CTNNBIP1: variants seen among roughly 807,000 people sequenced by gnomAD.
CTNNBIP1 encodes the protein catenin beta interacting protein 1.
In CTNNBIP1, 7 loss-of-function variants were observed where a neutral mutation model predicts 11.8. The observed-to-expected ratio is 0.60, with a 90% CI of 0.34 to 1.12. The LOEUF is 1.12. Among genes scored for constraint, CTNNBIP1 ranks in the 50% most tolerant of loss-of-function variants. The pLI, the probability that CTNNBIP1 is intolerant of heterozygous loss-of-function variation, is 0.03. For synonymous variants in CTNNBIP1, 58 were observed against 43.9 expected, an observed-to-expected ratio of 1.32 and a Z score of -1.26; for missense variants, 101 against 113.4, an observed-to-expected ratio of 0.89 and a Z score of 0.50.
chr1:9,852,311 A>C (rs1638408060), intron 5 of CTNNBIP1, among the ~76,000 whole-genome samples: 1 of 152,222 alleles, frequency 6.6e-6, no homozygotes, highest in African/African-American at 2.4e-5. Context: ...CACACCTTCC[A>C]CTTGGCACTA....
chr1:9,908,469 G>T (rs1345093035), intron 1 of CTNNBIP1, among the ~76,000 whole-genome samples: 1 of 148,678 alleles, frequency 6.7e-6, no homozygotes, highest in Non-Finnish European at 1.5e-5. Flanking sequence ...CACCTCCCGG[G>T]TTCACGCCAT....
Position 9,872,184 on chromosome 1 carries a change from C to A in CTNNBIP1, c.-24-96G>T. 1.3e-6 allele frequency: 1 copy of A among 745,016 alleles called. No individual in the cohort carries two copies. The highest frequency in any genetic ancestry group is 1.6e-5 in the South Asian group (1 of 61,440). The allele number at this position is 745,016 out of a possible 1,614,324, so 46.2% of individuals were successfully genotyped here. ...AGTGACCCTCACTCCTCCCAGGAGC[C>A]GCTTTCCACCCACAGTCTCCCTTCT... On this transcript the variant is annotated intron_variant, in intron 3 of 5. Coordinates refer to ENST00000377263, the MANE Select transcript of CTNNBIP1 (RefSeq NM_020248.3). The surrounding 1 kb of genome is among the most constrained non-coding windows in gnomAD (Gnocchi z 4.0).
chr1:9,861,395 C>T (rs963544362), intron 5 of CTNNBIP1, among the ~76,000 whole-genome samples: 4 of 152,210 alleles, frequency 2.6e-5, no homozygotes, highest in African/African-American at 9.6e-5. Context: ...TTCAGCAGCT[C>T]GGGACTATGA....
intron 1 of CTNNBIP1, among the ~76,000 whole-genome samples, chr1:9,887,849 G>A (rs191610633): frequency 3.6e-4 from 55 of 151,912 alleles, no homozygotes; most frequent in Non-Finnish European, 6.3e-4. Context: ...TTTTGAGATG[G>A]AGTCTCACAC....
At position 9,871,909 on chromosome 1, in the gene CTNNBIP1, G is replaced by C. The variant is rs1308845793; in HGVS notation, c.96+60C>G. Reference sequence around the variant, plus strand: ...GCTCCACCCTCCAATAGCCCAGCAGGGCCCCTCCCTGGGAGACCCTCCCTG... The same window carrying C: ...GCTCCACCCTCCAATAGCCCAGCAGCGCCCCTCCCTGGGAGACCCTCCCTG... On this transcript the variant is annotated intron_variant, in intron 4 of 5. Transcript: ENST00000377263. The surrounding 1 kb of genome is among the most constrained non-coding windows in gnomAD (Gnocchi z 5.2). 6.9e-7 allele frequency: 1 copy of C among 1,455,562 alleles called. No homozygotes were observed. The highest frequency in any genetic ancestry group is 1.4e-5 in the African/African-American group (1 of 71,918). The allele number at this position is 1,455,562 out of a possible 1,614,324, so 90.2% of individuals were successfully genotyped here. A position where few individuals can be genotyped will look rare whatever the true frequency, so the allele number is the denominator to read the frequency against.
rs1277422158 is a variant in CTNNBIP1, at chr1:9,858,703, A to T, written c.188-7927T>A. Among the ~76,000 whole-genome samples the T allele has an allele frequency of 2.6e-5, 4 of 152,320 alleles. No homozygotes were observed. In the South Asian group the frequency reaches 8.3e-4, roughly 32 times the overall value. The stretch of plus-strand genomic sequence containing the variant: ...AGCTGACCTTCCTTTCTCCACTGGA[A>T]CGTACATCTCATGTCATCAGGGACT... On this transcript the variant is annotated intron_variant, in intron 5 of 5. Coordinates refer to ENST00000377263, the MANE Select transcript of CTNNBIP1 (RefSeq NM_020248.3).
rs1323825858 is a variant in CTNNBIP1 at position 9,872,281 on chromosome 1, G to A, written c.-24-193C>T. 6.6e-6 allele frequency among the ~76,000 whole-genome samples: 1 copy of A among 152,242 alleles called. No homozygotes were observed. Among genetic ancestry groups the A allele is most frequent in the Non-Finnish European group, 1.5e-5 (1 of 68,046 alleles). ...TGCTGGTCCCAGCAGGCTGAACTGA[G>A]CAGCTCTGTTCTCCAGCAGGCGCTG... On this transcript the variant is annotated intron_variant, in intron 3 of 5. Coordinates refer to ENST00000377263, the MANE Select transcript of CTNNBIP1 (RefSeq NM_020248.3). The surrounding 1 kb of genome is among the most constrained non-coding windows in gnomAD (Gnocchi z 4.0).
Position 9,863,741 on chromosome 1 carries a change from C to T in CTNNBIP1, c.187+7446G>A, listed in dbSNP as rs191606261. ...CACATGCTGACTTGGAAGGGGTCAG[C>T]GAGGGCTTCATGAAGGAAGTGAAAG... On this transcript the variant is annotated intron_variant, in intron 5 of 5. Coordinates refer to ENST00000377263, the MANE Select transcript of CTNNBIP1 (RefSeq NM_020248.3). 1.5e-4 allele frequency among the ~76,000 whole-genome samples: 23 copies of T among 152,228 alleles called. No individual in the cohort carries two copies. The East Asian group carries it at 2.7e-3, about 18-fold the overall frequency.
chr1:9,908,764 T>C (rs1055685641), intron 1 of CTNNBIP1, among the ~76,000 whole-genome samples: 3 of 152,218 alleles, frequency 2.0e-5, no homozygotes, highest in Non-Finnish European at 2.9e-5. Context: ...TTGTCTGACT[T>C]TCCTCCTCTT....
intron 1 of CTNNBIP1, among the ~76,000 whole-genome samples, chr1:9,894,702 A>G (rs1405009661): frequency 6.6e-6 from 1 of 150,916 alleles, no homozygotes; most frequent in Non-Finnish European, 1.5e-5. Context: ...TAATTTTTAT[A>G]GTTTTTGTAG....
In CTNNBIP1 at chr1:9,872,117, G is replaced by T; in HGVS notation, c.-24-29C>A. 1 of 1,358,182 alleles carries T rather than the reference G, an allele frequency of 7.4e-7. No homozygotes were observed. The highest frequency in any genetic ancestry group is 1.1e-6 in the Non-Finnish European group (1 of 947,796). 84.1% of individuals were successfully genotyped at this position (1,358,182 alleles called of 1,614,324 possible). On this transcript the variant is annotated intron_variant, in intron 3 of 5. Transcript: ENST00000377263. The surrounding 1 kb of genome is among the most constrained non-coding windows in gnomAD (Gnocchi z 4.0). ...CAGAGCAAGCAACAGCATCAAAAGG[G>T]AAGAGATCAGGATGTGACATACTGG...
chr1:9,871,883 G>C lies in CTNNBIP1; in HGVS notation c.96+86C>G, dbSNP rs1232445404. The C allele has an allele frequency of 1.1e-5, 13 of 1,204,272 alleles. No homozygotes were observed. Among genetic ancestry groups the C allele is most frequent in the Non-Finnish European group, 1.6e-5 (13 of 816,750 alleles). 74.6% of individuals were successfully genotyped at this position (1,204,272 alleles called of 1,614,324 possible). ...TGGCTCCGCAGGAGGCAGCCGCAGT[G>C]GCTCCACCCTCCAATAGCCCAGCAG... On this transcript the variant is annotated intron_variant, in intron 4 of 5. Coordinates refer to ENST00000377263, the MANE Select transcript of CTNNBIP1 (RefSeq NM_020248.3). The surrounding 1 kb of genome is among the most constrained non-coding windows in gnomAD (Gnocchi z 5.2).
intron 5 of CTNNBIP1, among the ~76,000 whole-genome samples, chr1:9,864,289 G>A (rs1638694964): frequency 6.6e-6 from 1 of 152,250 alleles, no homozygotes; most frequent in South Asian, 2.1e-4. Context: ...AATGAGCCAA[G>A]TCTAGGTCTA....
At chr1:9,880,161 T>C (rs968531274) in intron 2 of CTNNBIP1, among the ~76,000 whole-genome samples, 2 of 150,834 alleles carry the variant, frequency 1.3e-5, no homozygotes, top group South Asian at 2.1e-4. Context: ...CCGGTGTGTG[T>C]TGTTCCCCTC....
intron 5 of CTNNBIP1, among the ~76,000 whole-genome samples, chr1:9,862,089 C>A (rs147202042): frequency 6.9e-6 from 1 of 145,810 alleles, no homozygotes; most frequent in African/African-American, 2.5e-5. Flanking sequence ...TGTGATATGT[C>A]TTCCCAGGTA....
chr1:9,873,297 C>A (rs1262695472), intron 3 of CTNNBIP1, among the ~76,000 whole-genome samples: 1 of 152,182 alleles, frequency 6.6e-6, no homozygotes, highest in Non-Finnish European at 1.5e-5. Flanking sequence ...CTGTCTGCTC[C>A]CCTTCCACCT....
chr1:9,905,562 A>G (rs1639600907), intron 1 of CTNNBIP1, among the ~76,000 whole-genome samples: 1 of 150,660 alleles, frequency 6.6e-6, no homozygotes, highest in East Asian at 1.9e-4. Context: ...AGCTGGGACT[A>G]CAGGCGCCCG....
chr1:9,897,225 C>A (rs188048209), intron 1 of CTNNBIP1, among the ~76,000 whole-genome samples: 1 of 151,414 alleles, frequency 6.6e-6, no homozygotes, highest in Non-Finnish European at 1.5e-5. Flanking sequence ...GAGGCCGAGG[C>A]GGGCGGATCA....
chr1:9,870,153 T>C (rs1638831209), intron 5 of CTNNBIP1, among the ~76,000 whole-genome samples: 1 of 152,220 alleles, frequency 6.6e-6, no homozygotes, highest in Non-Finnish European at 1.5e-5. Context: ...GCTGGTGATC[T>C]AGGTCAGGCC....
Sources: gnomAD v4.1 joint callset for allele counts (sites outside exome capture counted in the v4.1 genomes callset) on GRCh38, gnomAD v4.1.1 for gene constraint, Gnocchi (gnomAD v3.1) non-coding constraint, MANE v1.5 for transcripts, NCBI Gene and HGNC (gene_info 2026-07-23, HGNC 2026-07-21) for gene names.